The following HS6ST3 variants were observed in gnomAD, a reference collection of about 807,000 sequenced individuals.
HS6ST3 encodes heparan-sulfate 6-O-sulfotransferase 3.
Under a neutral mutation model 36.7 loss-of-function variants are expected in HS6ST3, and 12 were observed. The ratio of observed to expected loss-of-function variants is 0.33; its 90% CI spans 0.21 to 0.53. The LOEUF (loss-of-function observed/expected upper bound fraction) is 0.53, where lower values mean the gene tolerates loss of function less well. HS6ST3 is among the 20% of genes least tolerant of loss of function. The pLI is 0.95. For synonymous variants in HS6ST3, 240 were observed against 257.5 expected, an observed-to-expected ratio of 0.93 and a Z score of 0.65; for missense variants, 584 against 640.9, an observed-to-expected ratio of 0.91 and a Z score of 0.96.
intron 1 of HS6ST3, among the ~76,000 whole-genome samples, chr13:96,124,838 G>A (rs936855284): frequency 2.6e-5 from 4 of 152,098 alleles, no homozygotes; most frequent in Admixed American, 2.6e-4. Flanking sequence ...TAAGCAATAC[G>A]ACTTATTAGA....
At chr13:96,303,745 GT>G (rs2054894828) in intron 1 of HS6ST3, among the ~76,000 whole-genome samples, 1 of 152,154 alleles carries the variant, frequency 6.6e-6, no homozygotes, top group Non-Finnish European at 1.5e-5. Context: ...TTGAGTGAGA[GT>G]TTTGCATTGA....
At chr13:96,284,317 C>T (rs1036631508) in intron 1 of HS6ST3, among the ~76,000 whole-genome samples, 1 of 152,058 alleles carries the variant, frequency 6.6e-6, no homozygotes, top group African/African-American at 2.4e-5. Context: ...AGCTGAGGAG[C>T]GAAGAAGCCA....
At chr13:96,486,371 G>C (rs1305862803) in intron 1 of HS6ST3, among the ~76,000 whole-genome samples, 1 of 152,030 alleles carries the variant, frequency 6.6e-6, no homozygotes, top group Non-Finnish European at 1.5e-5. Flanking sequence ...AATCCTTTGG[G>C]TATTTACCCA....
At chr13:96,811,349 C>A (rs542240945) in intron 1 of HS6ST3, among the ~76,000 whole-genome samples, 1 of 152,264 alleles carries the variant, frequency 6.6e-6, no homozygotes, top group African/African-American at 2.4e-5. Context: ...GTTCCTAAAT[C>A]ATCTTTGAAT....
intron 1 of HS6ST3, among the ~76,000 whole-genome samples, chr13:96,785,987 T>C (rs1156441317): frequency 2.0e-5 from 3 of 152,136 alleles, no homozygotes; most frequent in Non-Finnish European, 2.9e-5. Flanking sequence ...AACAAAAACC[T>C]ATGGCTTTCC....
chr13:96,269,972 C>T (rs925778667), intron 1 of HS6ST3, among the ~76,000 whole-genome samples: 2 of 151,968 alleles, frequency 1.3e-5, no homozygotes, highest in African/African-American at 4.8e-5. Flanking sequence ...TCCCTTCCTT[C>T]CAACAAGACT....
At chr13:96,536,049 CA>C (rs1429964324) in intron 1 of HS6ST3, among the ~76,000 whole-genome samples, 2 of 152,176 alleles carry the variant, frequency 1.3e-5, no homozygotes, top group African/African-American at 4.8e-5. Flanking sequence ...AGTCAATAAT[CA>C]AGCACATTTT....
intron 1 of HS6ST3, among the ~76,000 whole-genome samples, chr13:96,531,299 G>A (rs940936519): frequency 1.3e-5 from 2 of 152,168 alleles, no homozygotes; most frequent in Non-Finnish European, 2.9e-5. Flanking sequence ...TTGTAAAAAC[G>A]AGAAGTTAAA....
At chr13:96,164,205 C>T (rs1594700516) in intron 1 of HS6ST3, among the ~76,000 whole-genome samples, 1 of 152,220 alleles carries the variant, frequency 6.6e-6, no homozygotes, top group Non-Finnish European at 1.5e-5. Flanking sequence ...AACTGTGTCT[C>T]CATGTATATA....
intron 1 of HS6ST3, among the ~76,000 whole-genome samples, chr13:96,613,864 A>G (rs998083841): frequency 1.3e-5 from 2 of 152,202 alleles, no homozygotes; most frequent in South Asian, 2.1e-4. Context: ...AGTCAATAAA[A>G]TATTTGATGA....
chr13:96,630,362 C>T (rs1199119210), intron 1 of HS6ST3, among the ~76,000 whole-genome samples: 4 of 152,120 alleles, frequency 2.6e-5, no homozygotes, highest in African/African-American at 7.2e-5. Flanking sequence ...CCACTGGAGA[C>T]ACATTTAATT....
At chr13:96,783,816 T>C (rs148973160) in intron 1 of HS6ST3, among the ~76,000 whole-genome samples, 2 of 152,278 alleles carry the variant, frequency 1.3e-5, no homozygotes, top group Non-Finnish European at 2.9e-5. Flanking sequence ...TAAGATCACA[T>C]GAAAGCTGTT....
chr13:96,735,097 C>A (rs1876250128), intron 1 of HS6ST3, among the ~76,000 whole-genome samples: 1 of 152,250 alleles, frequency 6.6e-6, no homozygotes, highest in Non-Finnish European at 1.5e-5. Context: ...GTAAAGTCAT[C>A]AGGCTTTCAG....
chr13:96,804,639 G>A (rs77306676), intron 1 of HS6ST3, among the ~76,000 whole-genome samples: 1,754 of 152,048 alleles, frequency 0.012, 40 homozygotes, highest in African/African-American at 0.04. Context: ...TAGCGATTGT[G>A]ATGTGTTCCC....
chr13:96,252,875 A>C (rs2054614117), intron 1 of HS6ST3, among the ~76,000 whole-genome samples: 1 of 151,978 alleles, frequency 6.6e-6, no homozygotes, highest in Non-Finnish European at 1.5e-5. Context: ...AAGCTCCCTG[A>C]GGCCTCTCCA....
At chr13:96,794,600 T>A (rs1877867021) in intron 1 of HS6ST3, among the ~76,000 whole-genome samples, 1 of 152,076 alleles carries the variant, frequency 6.6e-6, no homozygotes, top group Non-Finnish European at 1.5e-5. Context: ...GTGTATTTTT[T>A]TCCTCCCTCA....
chr13:96,487,214 A>C (rs1477566444), intron 1 of HS6ST3, among the ~76,000 whole-genome samples: 1 of 152,100 alleles, frequency 6.6e-6, no homozygotes. Flanking sequence ...CCCAAAGGAA[A>C]ATGCGATGAT....
intron 1 of HS6ST3, among the ~76,000 whole-genome samples, chr13:96,231,025 A>C (rs1381645291): frequency 6.6e-6 from 1 of 152,016 alleles, no homozygotes; most frequent in Non-Finnish European, 1.5e-5. Flanking sequence ...AGGTGGTAAG[A>C]CCACCTACCC....
chr13:96,820,869 T>C (rs747403544), intron 1 of HS6ST3, among the ~76,000 whole-genome samples: 24 of 152,260 alleles, frequency 1.6e-4, no homozygotes, highest in South Asian at 4.1e-4. Flanking sequence ...CTCTGAACAC[T>C]TTTCTGAGTC....
Sources: allele counts gnomAD v4.1 joint callset (sites outside exome capture counted in the v4.1 genomes callset), GRCh38; gene constraint gnomAD v4.1.1; transcripts MANE v1.5; gene names NCBI Gene and HGNC (gene_info 2026-07-23, HGNC 2026-07-21).